The following MED14 variants were observed in gnomAD, a reference collection of about 807,000 sequenced individuals.
MED14 encodes mediator complex subunit 14.
MED14 carries 8 observed loss-of-function variants against 109.0 expected under a neutral mutation model. The ratio of observed to expected loss-of-function variants is 0.07; its 90% CI spans 0.04 to 0.13. The LOEUF is 0.13. Ranked by LOEUF, MED14 falls within the 10% of genes least tolerant of loss-of-function variation. The pLI is 1.00. For synonymous variants in MED14, 399 were observed against 408.7 expected, an observed-to-expected ratio of 0.98 and a Z score of 0.29; for missense variants, 711 against 1,142.4, an observed-to-expected ratio of 0.62 and a Z score of 5.44.
intron 23 of MED14, among the ~76,000 whole-genome samples, chrX:40,667,682 G>C (rs1342909375): frequency 8.9e-6 from 1 of 112,164 alleles, no homozygotes; most frequent in Non-Finnish European, 1.9e-5. Context: ...GTCCCAGAAG[G>C]ATCATTCTAG....
At chrX:40,653,560 G>C (rs1308874044) in intron 30 of MED14, among the ~76,000 whole-genome samples, 1 of 106,796 alleles carries the variant, frequency 9.4e-6, no homozygotes. Context: ...ATTCTAAACA[G>C]AGAGAGATAC....
At chrX:40,713,124 C>A in intron 5 of MED14, 82 bp from the exon 6 acceptor site, 1 of 961,509 alleles carries the variant, frequency 1.0e-6, no homozygotes, top group South Asian at 3.4e-5. Flanking sequence ...AATTTTCAGT[C>A]TTACTTATAA....
At chrX:40,725,367 C>A (rs1344899311) in intron 3 of MED14, among the ~76,000 whole-genome samples, 11 of 111,177 alleles carry the variant, frequency 9.9e-5, no homozygotes. Flanking sequence ...CAGACAAAGA[C>A]ACATCAAAAA....
chrX:40,716,097 G>A (rs1254218822), intron 3 of MED14, among the ~76,000 whole-genome samples: 1 of 111,255 alleles, frequency 9.0e-6, no homozygotes, highest in Admixed American at 9.5e-5. Flanking sequence ...ATGAAAAAAT[G>A]CAACATTACT....
At chrX:40,670,154 G>A (rs955499274) in intron 23 of MED14, among the ~76,000 whole-genome samples, 69 of 112,057 alleles carry the variant, frequency 6.2e-4, no homozygotes, top group Admixed American at 1.9e-4. Flanking sequence ...GGATCTGCCA[G>A]GGTGTGAGTG....
At chrX:40,673,389 C>T (rs1214455773) in intron 22 of MED14, among the ~76,000 whole-genome samples, 1 of 112,091 alleles carries the variant, frequency 8.9e-6, no homozygotes, top group East Asian at 2.8e-4. Flanking sequence ...ACAAATCATT[C>T]TAACTTTTCT....
In MED14 at chrX:40,711,312, T is replaced by A. The variant is rs1602484248; in HGVS notation, c.890-11A>T. ...ATAAACAGAAAGAATCTGATAGATG[T>A]TGTTAAGTAAAATTAATACATTACA... On this transcript the variant is annotated splice_polypyrimidine_tract_variant and intron_variant, in intron 7 of 30. Transcript: ENST00000324817. 6 of 1,176,076 alleles carry A rather than the reference T, an allele frequency of 5.1e-6. No individual in the cohort carries two copies. The East Asian group carries it at 1.8e-4, about 35-fold the overall frequency.
At chrX:40,684,077 AT>A (rs954147855) in intron 16 of MED14, among the ~76,000 whole-genome samples, 3 of 112,125 alleles carry the variant, frequency 2.7e-5, no homozygotes, top group African/African-American at 9.7e-5. Flanking sequence ...AAATATTTAT[AT>A]TGAGGCAAAA....
At chrX:40,668,011 A>C (rs968941857) in intron 23 of MED14, among the ~76,000 whole-genome samples, 4 of 111,704 alleles carry the variant, frequency 3.6e-5, no homozygotes, top group Non-Finnish European at 7.5e-5. Flanking sequence ...AGAGATCCAG[A>C]GTTTAGTTTT....
chrX:40,730,172 A>G (rs1242499208), intron 1 of MED14, among the ~76,000 whole-genome samples: 5 of 112,333 alleles, frequency 4.5e-5, no homozygotes, highest in Non-Finnish European at 9.4e-5. Context: ...GGAACAGAAA[A>G]ACTAAAACTA....
intron 23 of MED14, among the ~76,000 whole-genome samples, chrX:40,670,885 G>A (rs1929706399): frequency 2.7e-5 from 3 of 111,888 alleles, no homozygotes; most frequent in South Asian, 3.6e-4. Flanking sequence ...AAAAATTAAC[G>A]TAGTTTTGTT....
intron 12 of MED14, among the ~76,000 whole-genome samples, chrX:40,698,973 G>A (rs1930825207): frequency 8.9e-6 from 1 of 112,172 alleles, no homozygotes; most frequent in African/African-American, 3.2e-5. Flanking sequence ...AATGTTCACA[G>A]CATCATTATG....
intron 1 of MED14, among the ~76,000 whole-genome samples, chrX:40,734,422 T>A (rs1197833358): frequency 8.9e-6 from 1 of 112,495 alleles, no homozygotes; most frequent in Non-Finnish European, 1.9e-5. Flanking sequence ...TACTAATGTA[T>A]CTCAATTGAT....
intron 3 of MED14, among the ~76,000 whole-genome samples, chrX:40,720,660 G>A (rs187497174): frequency 8.6e-4 from 95 of 110,864 alleles, no homozygotes; most frequent in African/African-American, 2.9e-3. Context: ...GGATACACCC[G>A]CTGGGGGGCC....
At position 40,718,149 on chromosome X, in the gene MED14, A is replaced by G. The variant is rs149271221; in HGVS notation, c.349-3439T>C. Among the ~76,000 whole-genome samples, 280 of 112,348 alleles carry G rather than the reference A, an allele frequency of 2.5e-3. 1 individual carries two copies. Among genetic ancestry groups the G allele is most frequent in the African/African-American group, 9.0e-3 (277 of 30,942 alleles). On this transcript the variant is annotated intron_variant, in intron 3 of 30. Coordinates refer to ENST00000324817, the MANE Select transcript of MED14 (RefSeq NM_004229.4). ...TAATTCTTAGTTAGACCCAATATAC[A>G]GCATGGTCCAGTAAAAATGCTACCT...
chrX:40,671,841 G>A lies in MED14; in HGVS notation c.3133+20C>T, dbSNP rs767931307. On this transcript the variant is annotated intron_variant, in intron 23 of 30. Transcript: ENST00000324817. ...TGGATTTGAAAGTTGAACATGACAA[G>A]AGAATAAGTAATATCTTACCTGGAG... 4 of 1,072,045 alleles carry A rather than the reference G, an allele frequency of 3.7e-6. No individual in the cohort carries two copies. Among genetic ancestry groups the A allele is most frequent in the Non-Finnish European group, 5.1e-6 (4 of 783,132 alleles). 88.3% of individuals were successfully genotyped at this position (1,072,045 alleles called of 1,213,427 possible). A position where few individuals can be genotyped will look rare whatever the true frequency, so the allele number is the denominator to read the frequency against.
In MED14 at chrX:40,659,526, T is replaced by G. The variant is rs188852908; in HGVS notation, c.3766A>C (p.Lys1256Gln). ...ALKCRVALSP[K>Q]TNQTLQLKVT... ...TTTAGCTGAAGCGTTTGGTTGGTTTTGGGACTAAGAGCTACTCTGCATTTC... is the reference window on the plus strand; with the variant it reads ...TTTAGCTGAAGCGTTTGGTTGGTTTGGGGACTAAGAGCTACTCTGCATTTC... Residue 1256 changes from lysine to glutamine, a missense_variant, in exon 27 of 31, where the codon AAA becomes CAA. This residue lies in a region of MED14 where 54 missense variants were observed against 129.6 expected (regional missense o/e 0.42). Transcript: ENST00000324817. 1 of 1,209,856 alleles carries G rather than the reference T, an allele frequency of 8.3e-7. No individual in the cohort carries two copies. Among genetic ancestry groups the G allele is most frequent in the African/African-American group, 1.7e-5 (1 of 57,381 alleles).
chrX:40,659,648 G>A, intron 26 of MED14, 41 bp from the exon 27 acceptor site: 1 of 1,132,063 alleles, frequency 8.8e-7, no homozygotes, highest in Non-Finnish European at 1.2e-6. Flanking sequence ...GTAAGTCAAA[G>A]AGAAAATGAA....
chrX:40,728,279 G>C (rs1216511345), intron 2 of MED14, among the ~76,000 whole-genome samples: 1 of 111,458 alleles, frequency 9.0e-6, no homozygotes, highest in Non-Finnish European at 1.9e-5. Context: ...ACACCATGTT[G>C]TCTCAAGTGC....
Sources: allele counts gnomAD v4.1 joint callset (sites outside exome capture counted in the v4.1 genomes callset), GRCh38; gene constraint gnomAD v4.1.1; regional missense constraint gnomAD v4.1.1; transcripts MANE v1.5; gene names NCBI Gene and HGNC (gene_info 2026-07-23, HGNC 2026-07-21).